The following XRCC4 variants were observed in gnomAD, a reference collection of about 807,000 sequenced individuals.
The protein encoded by XRCC4 is X-ray repair cross complementing 4.
In XRCC4, 28 loss-of-function variants were observed where a neutral mutation model predicts 39.1. The observed-to-expected ratio is 0.72, with a 90% CI of 0.53 to 0.98. XRCC4 has a LOEUF of 0.98. XRCC4 is among the 50% of genes least tolerant of loss of function. The pLI, the probability that XRCC4 is intolerant of heterozygous loss-of-function variation, is 0.00. For missense variants in XRCC4, 350 were observed against 376.4 expected (o/e 0.93, Z 0.58); for synonymous variants, 123 against 126.4 (o/e 0.97, Z 0.18).
At chr5:83,327,417 A>T (rs2112154319) in intron 7 of XRCC4, among the ~76,000 whole-genome samples, 1 of 152,134 alleles carries the variant, frequency 6.6e-6, no homozygotes, top group East Asian at 1.9e-4. Context: ...GATGTACCAC[A>T]GTTTGTTCAT....
intron 3 of XRCC4, among the ~76,000 whole-genome samples, chr5:83,135,426 T>C (rs895148233): frequency 6.6e-6 from 1 of 152,188 alleles, no homozygotes; most frequent in Non-Finnish European, 1.5e-5. Flanking sequence ...TTAAGGTTTT[T>C]TCTTTTTTAT....
chr5:83,103,028 A>ATATATATATATATATG (rs1308597391), intron 1 of XRCC4, among the ~76,000 whole-genome samples: 3 of 146,210 alleles, frequency 2.1e-5, no homozygotes, highest in Non-Finnish European at 4.5e-5. Context: ...ATATATATAT[A>ATATATATATATATATG]TATGTCAACA....
intron 3 of XRCC4, among the ~76,000 whole-genome samples, chr5:83,117,010 A>G (rs1746757169): frequency 6.6e-6 from 1 of 152,224 alleles, no homozygotes; most frequent in Non-Finnish European, 1.5e-5. Flanking sequence ...GCAGTGGGTC[A>G]GCAATTTTCA....
At chr5:83,111,576 T>C (rs545729811) in intron 3 of XRCC4, among the ~76,000 whole-genome samples, 1 of 152,162 alleles carries the variant, frequency 6.6e-6, no homozygotes, top group East Asian at 1.9e-4. Flanking sequence ...TCAATCAAAA[T>C]ATATCTTTGA....
At chr5:83,239,849 T>C (rs917556503) in intron 6 of XRCC4, among the ~76,000 whole-genome samples, 5 of 151,590 alleles carry the variant, frequency 3.3e-5, no homozygotes, top group African/African-American at 1.2e-4. Context: ...AAAATATTTT[T>C]CCTTTTGTTT....
intron 7 of XRCC4, among the ~76,000 whole-genome samples, chr5:83,298,448 AAGAG>A (rs912303384): frequency 1.5e-4 from 23 of 151,966 alleles, no homozygotes; most frequent in African/African-American, 5.3e-4. Context: ...CTTCCTGAAG[AAGAG>A]AATCTTTCAT....
At chr5:83,188,842 A>C (rs1376758607) in intron 3 of XRCC4, among the ~76,000 whole-genome samples, 1 of 152,228 alleles carries the variant, frequency 6.6e-6, no homozygotes, top group Non-Finnish European at 1.5e-5. Context: ...TCCAGGAAAC[A>C]ATACTGTTTT....
chr5:83,134,527 T>G (rs530395727), intron 3 of XRCC4, among the ~76,000 whole-genome samples: 2 of 152,218 alleles, frequency 1.3e-5, no homozygotes, highest in Admixed American at 1.3e-4. Flanking sequence ...ACCAATCAGC[T>G]CTCTGTAAAA....
chr5:83,305,202 A>ATCTT (rs1561465262), intron 7 of XRCC4, among the ~76,000 whole-genome samples: 1 of 152,134 alleles, frequency 6.6e-6, no homozygotes, highest in African/African-American at 2.4e-5. Flanking sequence ...TATTATTAAA[A>ATCTT]TCTTACATCA....
intron 6 of XRCC4, among the ~76,000 whole-genome samples, chr5:83,250,800 C>T (rs1753278859): frequency 1.3e-5 from 2 of 152,026 alleles, no homozygotes; most frequent in Non-Finnish European, 1.5e-5. Context: ...TCAAAAAAAG[C>T]ATCTATATAA....
chr5:83,119,998 CAAAA>C (rs367806953), intron 3 of XRCC4, among the ~76,000 whole-genome samples: 2 of 62,104 alleles, frequency 3.2e-5, no homozygotes, highest in Non-Finnish European at 3.3e-5. Context: ...CCTTGTCTCA[CAAAA>C]AAAAAAAAAA....
Position 83,324,522 on chromosome 5 carries a change from T to C in XRCC4, c.894-28609T>C, listed in dbSNP as rs756558331. Among the ~76,000 whole-genome samples the C allele has an allele frequency of 1.1e-4, 17 of 152,148 alleles. 1 individual carries two copies. The highest frequency in any genetic ancestry group is 7.4e-5 in the Non-Finnish European group (5 of 68,022). On this transcript the variant is annotated intron_variant, in intron 7 of 7. Transcript: ENST00000396027. ...TTGTCAATAGATGTAAGAGGAAAAG[T>C]AGAAAGTGTTGATCAATATTTTGGG...
At chr5:83,264,945 C>T (rs1580443305) in intron 7 of XRCC4, among the ~76,000 whole-genome samples, 1 of 152,240 alleles carries the variant, frequency 6.6e-6, no homozygotes, top group East Asian at 1.9e-4. Context: ...TTTGTACCCT[C>T]ACAACAGTGT....
chr5:83,119,383 C>G lies in XRCC4; in HGVS notation c.315+8180C>G, dbSNP rs147101589. Among the ~76,000 whole-genome samples, 387 of 152,174 alleles carry G rather than the reference C, an allele frequency of 2.5e-3. 3 individuals carry two copies. Among genetic ancestry groups the G allele is most frequent in the African/African-American group, 8.9e-3 (369 of 41,506 alleles). The stretch of plus-strand genomic sequence containing the variant: ...TTTGTGTACATGTGCCATTTTGATA[C>G]TGAACACTATATAATTTTTGTGATC... On this transcript the variant is annotated intron_variant, in intron 3 of 7. Coordinates refer to ENST00000396027, the MANE Select transcript of XRCC4 (RefSeq NM_003401.5).
At chr5:83,356,358 G>A (rs992096379), downstream of XRCC4, among the ~76,000 whole-genome samples, 4 of 152,054 alleles carry the variant, frequency 2.6e-5, no homozygotes, top group African/African-American at 4.8e-5. Context: ...TAGATATAGT[G>A]AAAGAGAAGA....
chr5:83,227,588 G>A (rs1308190269), intron 6 of XRCC4, among the ~76,000 whole-genome samples: 1 of 152,008 alleles, frequency 6.6e-6, no homozygotes, highest in East Asian at 1.9e-4. Flanking sequence ...TCTAAAGGTA[G>A]TTGTTAGCTT....
intron 7 of XRCC4, among the ~76,000 whole-genome samples, chr5:83,279,023 A>T (rs1754438815): frequency 6.9e-6 from 1 of 145,140 alleles, no homozygotes; most frequent in African/African-American, 2.5e-5. Context: ...AAAAAAAAAG[A>T]TATATATATT....
chr5:83,114,012 A>T (rs186238426), intron 3 of XRCC4, among the ~76,000 whole-genome samples: 3 of 152,194 alleles, frequency 2.0e-5, no homozygotes, highest in African/African-American at 7.2e-5. Flanking sequence ...GCTCAACACC[A>T]TATGGAAGCT....
intron 6 of XRCC4, among the ~76,000 whole-genome samples, chr5:83,254,010 A>G (rs1185855160): frequency 6.6e-6 from 1 of 151,956 alleles, no homozygotes; most frequent in African/African-American, 2.4e-5. Context: ...CCTAACAAGA[A>G]CTTGAAATTC....
Sources: allele counts gnomAD v4.1 joint callset (sites outside exome capture counted in the v4.1 genomes callset), GRCh38; gene constraint gnomAD v4.1.1; transcripts MANE v1.5; gene names NCBI Gene and HGNC (gene_info 2026-07-23, HGNC 2026-07-21).